Variants in ATL2 observed in about 807,000 individuals in gnomAD.
The protein encoded by ATL2 is atlastin-2.
A neutral mutation model predicts 73.9 loss-of-function variants in ATL2; 31 were observed. The observed-to-expected ratio is 0.42, with a 90% CI of 0.32 to 0.57. The LOEUF (loss-of-function observed/expected upper bound fraction) is 0.57, where lower values mean the gene tolerates loss of function less well. ATL2 is among the 20% of genes least tolerant of loss of function. The pLI is 0.14. For synonymous variants in ATL2, 291 were observed against 237.5 expected (o/e 1.23, Z -2.07); for missense variants, 738 against 702.6 (o/e 1.05, Z -0.57).
intron 2 of ATL2, among the ~76,000 whole-genome samples, chr2:38,324,195 T>C (rs369423461): frequency 6.6e-6 from 1 of 152,170 alleles, no homozygotes; most frequent in Non-Finnish European, 1.5e-5. Context: ...GGAAAATCGC[T>C]TGAACCCGGG....
chr2:38,373,226 G>T (rs1400682781), intron 1 of ATL2, among the ~76,000 whole-genome samples: 2 of 152,052 alleles, frequency 1.3e-5, no homozygotes, highest in African/African-American at 4.8e-5. Flanking sequence ...AAGCATTGCC[G>T]CCACAATCAG....
intron 9 of ATL2, 31 bp from the exon 10 acceptor site, chr2:38,300,359 G>A (rs369786919): frequency 2.0e-5 from 30 of 1,535,204 alleles, no homozygotes; most frequent in Admixed American, 5.0e-5. Flanking sequence ...TTAGACTGAC[G>A]GATTATGCAA....
intron 1 of ATL2, among the ~76,000 whole-genome samples, chr2:38,356,400 G>A (rs1454149610): frequency 6.6e-6 from 1 of 151,498 alleles, no homozygotes; most frequent in African/African-American, 2.4e-5. Flanking sequence ...TGTTGCCCAG[G>A]CTGGTCTCGA....
intron 1 of ATL2, chr2:38,376,202 A>G: frequency 1.3e-6 from 2 of 1,516,396 alleles, no homozygotes; most frequent in Non-Finnish European, 1.8e-6. Flanking sequence ...TCAGGATTTC[A>G]TGCGATCAAT....
intron 1 of ATL2, among the ~76,000 whole-genome samples, chr2:38,360,685 C>G (rs1288716384): frequency 6.6e-6 from 1 of 152,054 alleles, no homozygotes; most frequent in Non-Finnish European, 1.5e-5. Flanking sequence ...GAAAATCTCA[C>G]CTCAAGTCAA....
In ATL2 at chr2:38,298,758, AG is replaced by A; in HGVS notation, c.1201-184del. On this transcript the variant is annotated intron_variant, in intron 11 of 12. Coordinates refer to ENST00000378954, the MANE Select transcript of ATL2 (RefSeq NM_001135673.4). ...ATTGTTTATATGTTGAACCTACTCA[AG>A]CAAAATCATTTTCCAAATATGACTA... Among the ~76,000 whole-genome samples the A allele has an allele frequency of 2.0e-5, 3 of 152,368 alleles. No individual in the cohort carries two copies. The East Asian group carries it at 5.8e-4, about 29-fold the overall frequency.
chr2:38,331,373 T>A (rs553395855), intron 2 of ATL2, among the ~76,000 whole-genome samples: 1 of 148,214 alleles, frequency 6.7e-6, no homozygotes, highest in African/African-American at 2.5e-5. Context: ...GAGGCAGAAG[T>A]TGCAGTGAGC....
At position 38,377,079 on chromosome 2, in the gene ATL2, G is replaced by C. The variant is rs921926289; in HGVS notation, c.118+64C>G. The C allele has an allele frequency of 8.1e-5, 122 of 1,510,728 alleles. No homozygotes were observed. In the African/African-American group the frequency reaches 1.6e-3, roughly 20 times the overall value. The allele number at this position is 1,510,728 out of a possible 1,614,324, so 93.6% of individuals were successfully genotyped here. On this transcript the variant is annotated intron_variant, in intron 1 of 12. Coordinates refer to ENST00000378954, the MANE Select transcript of ATL2 (RefSeq NM_001135673.4). ...CCCGCCGCCTGCGGCCGGTGCCCGC[G>C]AGCCCGAGCAGCGAGCGTCTCTCCC...
intron 7 of ATL2, among the ~76,000 whole-genome samples, chr2:38,311,820 G>A (rs1006201183): frequency 6.6e-6 from 1 of 152,114 alleles, no homozygotes; most frequent in Non-Finnish European, 1.5e-5. Context: ...TCAATAAAAA[G>A]TTTAAAAACT....
chr2:38,332,848 A>C (rs1669078027), intron 2 of ATL2, among the ~76,000 whole-genome samples: 1 of 152,214 alleles, frequency 6.6e-6, no homozygotes, highest in African/African-American at 2.4e-5. Flanking sequence ...TACATTCTCC[A>C]ATCTATACAA....
intron 2 of ATL2, 117 bp downstream of exon 2, chr2:38,343,144 TAAATTAA>T (rs1558432201): frequency 2.4e-6 from 2 of 822,258 alleles, no homozygotes; most frequent in Admixed American, 5.4e-5. Flanking sequence ...TGAGACCACT[TAAATTAA>T]AAAAAAAAAA....
In ATL2 at chr2:38,308,492, G is replaced by T. The variant is rs142894458; in HGVS notation, c.1071+887C>A. Among the ~76,000 whole-genome samples the T allele has an allele frequency of 2.1e-3, 321 of 152,058 alleles. 2 individuals are homozygous for T. The highest frequency in any genetic ancestry group is 7.2e-3 in the African/African-American group (299 of 41,486). On this transcript the variant is annotated intron_variant, in intron 9 of 12. Coordinates refer to ENST00000378954, the MANE Select transcript of ATL2 (RefSeq NM_001135673.4). ...CAGAGGGTGGAGGGGAGGCAGAGATGGTTAATGGGTACAAAAATATAGTTA... is the reference window on the plus strand; with the variant it reads ...CAGAGGGTGGAGGGGAGGCAGAGATTGTTAATGGGTACAAAAATATAGTTA...
intron 2 of ATL2, among the ~76,000 whole-genome samples, chr2:38,331,479 G>A (rs993584756): frequency 5.4e-5 from 8 of 146,904 alleles, no homozygotes; most frequent in South Asian, 2.1e-4. Context: ...GCATGGCAGC[G>A]CATGCCTGTA....
chr2:38,339,039 A>C (rs1379005711), intron 2 of ATL2, among the ~76,000 whole-genome samples: 1 of 152,114 alleles, frequency 6.6e-6, no homozygotes. Context: ...AACATGGTGA[A>C]ACCCCATCTC....
At chr2:38,347,787 T>TA (rs1390279281) in intron 1 of ATL2, among the ~76,000 whole-genome samples, 1 of 142,902 alleles carries the variant, frequency 7.0e-6, no homozygotes, top group South Asian at 2.2e-4. Context: ...TTTTTTTTTT[T>TA]AAGGCAGAGC....
intron 1 of ATL2, among the ~76,000 whole-genome samples, chr2:38,374,774 G>T (rs1451032416): frequency 6.6e-6 from 1 of 152,172 alleles, no homozygotes; most frequent in Non-Finnish European, 1.5e-5. Context: ...ACCAACTGTG[G>T]AAAAAGCCTA....
At chr2:38,351,807 A>G (rs1670364028) in intron 1 of ATL2, among the ~76,000 whole-genome samples, 2 of 150,464 alleles carry the variant, frequency 1.3e-5, no homozygotes, top group Non-Finnish European at 1.5e-5. Flanking sequence ...AAATCTATGT[A>G]TTATTTTAAA....
chr2:38,318,347 CGGG>C (rs1297328331), intron 4 of ATL2, 185 bp downstream of exon 4: 3 of 398,050 alleles, frequency 7.5e-6, no homozygotes, highest in Non-Finnish European at 1.3e-5. Context: ...GGCATGGTGG[CGGG>C]GGCCTGTAAT....
intron 10 of ATL2, 77 bp from the exon 11 acceptor site, chr2:38,299,404 T>C: frequency 4.3e-6 from 6 of 1,403,744 alleles, no homozygotes; most frequent in Non-Finnish European, 5.7e-6. Context: ...CAATAAGTTA[T>C]GTACAATAAA....
Sources: gnomAD v4.1 joint callset for allele counts (sites outside exome capture counted in the v4.1 genomes callset) on GRCh38, gnomAD v4.1.1 for gene constraint, MANE v1.5 for transcripts, NCBI Gene and HGNC (gene_info 2026-07-23, HGNC 2026-07-21) for gene names.